The following SCAF8 variants were observed in gnomAD, a reference collection of about 807,000 sequenced individuals.
The protein encoded by SCAF8 is SR-related and CTD-associated factor 8.
In SCAF8, 23 loss-of-function variants were observed where a neutral mutation model predicts 140.5. The ratio of observed to expected loss-of-function variants is 0.16; its 90% CI spans 0.12 to 0.23. The LOEUF (loss-of-function observed/expected upper bound fraction) is 0.23. Among genes scored for constraint, SCAF8 ranks in the 10% least tolerant of loss-of-function variants. The pLI, the probability that SCAF8 is intolerant of heterozygous loss-of-function variation, is 1.00. For missense variants in SCAF8, 1,397 were observed against 1,555.7 expected (o/e 0.90, Z 1.72); for synonymous variants, 575 against 528.9 (o/e 1.09, Z -1.20).
chr6:154,781,365 C>T (rs564066680), intron 3 of SCAF8, among the ~76,000 whole-genome samples: 1 of 152,320 alleles, frequency 6.6e-6, no homozygotes, highest in South Asian at 2.1e-4. Context: ...GAAAAACATT[C>T]TATCCTCATG....
chr6:154,796,353 T>TCCC, intron 6 of SCAF8, among the ~76,000 whole-genome samples: 1 of 75,250 alleles, frequency 1.3e-5, no homozygotes, highest in African/African-American at 7.9e-5. Context: ...TGCAATCCTG[T>TCCC]TCTCTCTCTC....
At chr6:154,774,132 T>G in intron 2 of SCAF8, 60 bp downstream of exon 2, 1 of 1,078,284 alleles carries the variant, frequency 9.3e-7, no homozygotes, top group Non-Finnish European at 1.4e-6. Flanking sequence ...ATAGTTTGGA[T>G]GGGGGATAAT....
chr6:154,799,127 G>A (rs1026593090), intron 6 of SCAF8, among the ~76,000 whole-genome samples: 5 of 150,644 alleles, frequency 3.3e-5, no homozygotes, highest in Non-Finnish European at 5.9e-5. Flanking sequence ...ACAGGCACCC[G>A]CCACCACGCC....
chr6:154,793,440 A>C (rs1372716311), intron 5 of SCAF8, among the ~76,000 whole-genome samples: 5 of 151,714 alleles, frequency 3.3e-5, no homozygotes, highest in African/African-American at 1.2e-4. Flanking sequence ...AATTTTTTGA[A>C]ATTTTTATGA....
At chr6:154,788,733 G>A (rs959889376) in intron 4 of SCAF8, among the ~76,000 whole-genome samples, 3 of 152,234 alleles carry the variant, frequency 2.0e-5, no homozygotes, top group Admixed American at 1.3e-4. Context: ...ACACTACTAA[G>A]TCTGGTATGT....
chr6:154,762,915 T>C (rs1776447979), intron 1 of SCAF8, among the ~76,000 whole-genome samples: 1 of 152,202 alleles, frequency 6.6e-6, no homozygotes, highest in Non-Finnish European at 1.5e-5. Flanking sequence ...TTTTAGACAT[T>C]ATTTATTGAT....
chr6:154,808,013 T>G (rs1045528902), intron 9 of SCAF8, 57 bp from the exon 10 acceptor site: 9 of 1,495,452 alleles, frequency 6.0e-6, no homozygotes, highest in Admixed American at 4.1e-5. Context: ...GTTTACATTT[T>G]CATTCATAAC....
intron 11 of SCAF8, among the ~76,000 whole-genome samples, chr6:154,809,541 G>A (rs1778025725): frequency 6.6e-6 from 1 of 152,148 alleles, no homozygotes; most frequent in African/African-American, 2.4e-5. Flanking sequence ...GCATTTTGAA[G>A]AGAGCTCAAT....
At chr6:154,780,916 T>C (rs1036691020) in intron 3 of SCAF8, among the ~76,000 whole-genome samples, 3 of 152,122 alleles carry the variant, frequency 2.0e-5, no homozygotes, top group Non-Finnish European at 4.4e-5. Flanking sequence ...TCAGATGGTG[T>C]TTCTGGTTCT....
chr6:154,735,206 A>G lies in SCAF8; in HGVS notation c.30+1276A>G, dbSNP rs144552430. ...AAATTTTATGAACTCTTAAAGTGCC[A>G]ATACTTTATTCGATACTATGATTGT... On this transcript the variant is annotated intron_variant, in intron 1 of 19. Transcript: ENST00000367178. Among the ~76,000 whole-genome samples, 300 of 152,156 alleles carry G rather than the reference A, an allele frequency of 2.0e-3. 1 individual carries two copies. The highest frequency in any genetic ancestry group is 6.7e-3 in the African/African-American group (280 of 41,550).
chr6:154,762,058 AC>A (rs1776417975), intron 1 of SCAF8, among the ~76,000 whole-genome samples: 1 of 152,226 alleles, frequency 6.6e-6, no homozygotes, highest in Non-Finnish European at 1.5e-5. Flanking sequence ...AAAAAGTTTC[AC>A]AAAAATATGA....
intron 18 of SCAF8, among the ~76,000 whole-genome samples, chr6:154,828,901 T>C (rs1005846663): frequency 6.6e-6 from 1 of 152,238 alleles, no homozygotes; most frequent in African/African-American, 2.4e-5. Context: ...TGATTGCTTT[T>C]CATTTTCATA....
At chr6:154,831,536 A>G (rs143387942) in intron 19 of SCAF8, among the ~76,000 whole-genome samples, 2 of 152,100 alleles carry the variant, frequency 1.3e-5, no homozygotes, top group East Asian at 3.9e-4. Flanking sequence ...GAAGATAAAT[A>G]TGGTGTTTGA....
At chr6:154,771,891 GA>G (rs894733372) in intron 1 of SCAF8, among the ~76,000 whole-genome samples, 24 of 152,040 alleles carry the variant, frequency 1.6e-4, no homozygotes, top group East Asian at 1.9e-4. Context: ...AGTTGGGGGG[GA>G]AAAAAAGAAA....
chr6:154,754,432 G>T (rs1395467944), intron 1 of SCAF8, among the ~76,000 whole-genome samples: 6 of 152,188 alleles, frequency 3.9e-5, no homozygotes, highest in African/African-American at 1.4e-4. Context: ...ACATCTGAGT[G>T]CCTAGGTAGT....
At chr6:154,734,706 G>A (rs1778364744) in intron 1 of SCAF8, among the ~76,000 whole-genome samples, 1 of 152,198 alleles carries the variant, frequency 6.6e-6, no homozygotes, top group South Asian at 2.1e-4. Flanking sequence ...TCTGGAAGAA[G>A]ACAGGTTTTG....
At position 154,818,586 on chromosome 6, in the gene SCAF8, C is replaced by T. The variant is rs762839074; in HGVS notation, c.1629C>T (p.Val543=). Residue 543 remains valine, a synonymous_variant, in exon 14 of 20, where the codon GTC becomes GTT. Transcript: ENST00000367178. ...GATCATATAAAATTGGGTCCAAGGT[C>T]ATTAAGGTGAGATTTGGTGGATTGG... ...SSGSYKIGSK[V]IKIAWALNKG... 2 of 1,553,660 alleles carry T rather than the reference C, an allele frequency of 1.3e-6. No homozygotes were observed. The highest frequency in any genetic ancestry group is 1.2e-5 in the South Asian group (1 of 86,826).
rs553784465 is a variant in SCAF8, at chr6:154,743,854, A to T, written c.30+9924A>T. Reference sequence around the variant, plus strand: ...TTTTTTAAAATCTTTTTTGCCCTTCAAGTGAGTTTTGAATAAGTAATTTTG... The same window carrying T: ...TTTTTTAAAATCTTTTTTGCCCTTCTAGTGAGTTTTGAATAAGTAATTTTG... On this transcript the variant is annotated intron_variant, in intron 1 of 19. Coordinates refer to ENST00000367178, the MANE Select transcript of SCAF8 (RefSeq NM_014892.5). Among the ~76,000 whole-genome samples the T allele has an allele frequency of 6.6e-5, 10 of 152,334 alleles. No individual in the cohort carries two copies. The East Asian group carries it at 1.9e-3, about 29-fold the overall frequency.
At chr6:154,750,664 TATC>T (rs1289239216) in intron 1 of SCAF8, among the ~76,000 whole-genome samples, 2 of 152,236 alleles carry the variant, frequency 1.3e-5, no homozygotes, top group Admixed American at 6.5e-5. Context: ...TAGAATTTCT[TATC>T]ATTAAGCTCA....
Sources: gnomAD v4.1 joint callset for allele counts (sites outside exome capture counted in the v4.1 genomes callset) on GRCh38, gnomAD v4.1.1 for gene constraint, MANE v1.5 for transcripts, NCBI Gene and HGNC (gene_info 2026-07-23, HGNC 2026-07-21) for gene names.